FBXL17: variants seen among roughly 807,000 people sequenced by gnomAD.
FBXL17 encodes the protein F-box/LRR-repeat protein 17.
A neutral mutation model predicts 66.2 loss-of-function variants in FBXL17; 22 were observed. The ratio of observed to expected loss-of-function variants is 0.33; its 90% CI spans 0.24 to 0.47. The LOEUF is 0.47. FBXL17 is among the 20% of genes least tolerant of loss of function. The probability of loss-of-function intolerance (pLI) is 1.00; values close to 1 mark genes in which losing one functional copy is unlikely to be tolerated. For synonymous variants in FBXL17, 474 were observed against 400.5 expected, an observed-to-expected ratio of 1.18 and a Z score of -2.19; for missense variants, 878 against 948.2, an observed-to-expected ratio of 0.93 and a Z score of 0.97.
intron 7 of FBXL17, among the ~76,000 whole-genome samples, chr5:108,011,352 T>G (rs1374368784): frequency 6.6e-6 from 1 of 152,202 alleles, no homozygotes; most frequent in Admixed American, 6.5e-5. Flanking sequence ...GCTCTTGGGC[T>G]TTTTCTCCCT....
intron 6 of FBXL17, among the ~76,000 whole-genome samples, chr5:108,162,299 A>G (rs185289926): frequency 8.1e-4 from 123 of 152,048 alleles, no homozygotes; most frequent in Admixed American, 6.3e-3. Flanking sequence ...GGTATTTGAG[A>G]CCAGCCTGAG....
At chr5:107,877,355 C>T (rs1445926558) in intron 8 of FBXL17, among the ~76,000 whole-genome samples, 2 of 152,296 alleles carry the variant, frequency 1.3e-5, no homozygotes, top group East Asian at 1.9e-4. Flanking sequence ...GCAACGAATA[C>T]GTTTAACTTT....
At chr5:108,303,351 C>T (rs987832061) in intron 4 of FBXL17, among the ~76,000 whole-genome samples, 1 of 139,700 alleles carries the variant, frequency 7.2e-6, no homozygotes, top group African/African-American at 2.7e-5. Context: ...CTCCAAAACA[C>T]ACAGGCATAA....
intron 6 of FBXL17, among the ~76,000 whole-genome samples, chr5:108,116,143 C>T (rs909284621): frequency 6.6e-6 from 1 of 152,050 alleles, no homozygotes; most frequent in Non-Finnish European, 1.5e-5. Flanking sequence ...ACAAGAAAAA[C>T]ACTAAAGTTA....
intron 4 of FBXL17, among the ~76,000 whole-genome samples, chr5:108,303,550 A>T (rs1460905080): frequency 6.6e-6 from 1 of 151,946 alleles, no homozygotes; most frequent in East Asian, 1.9e-4. Context: ...ACTACCACAT[A>T]CAACATATGT....
intron 7 of FBXL17, among the ~76,000 whole-genome samples, chr5:107,935,802 TC>T (rs1460216012): frequency 6.6e-6 from 1 of 152,036 alleles, no homozygotes; most frequent in Non-Finnish European, 1.5e-5. Context: ...ATTCCATAGA[TC>T]AGTTGGAACA....
chr5:108,304,859 T>C (rs1758765126), intron 4 of FBXL17, among the ~76,000 whole-genome samples: 1 of 152,032 alleles, frequency 6.6e-6, no homozygotes, highest in South Asian at 2.1e-4. Flanking sequence ...GGAAGACCTC[T>C]TCCTTGTCCT....
chr5:108,191,681 A>C (rs1285473767), intron 5 of FBXL17, among the ~76,000 whole-genome samples: 1 of 152,164 alleles, frequency 6.6e-6, no homozygotes. Flanking sequence ...TGACTCTTGA[A>C]CTTTTAGAAA....
intron 4 of FBXL17, among the ~76,000 whole-genome samples, chr5:108,234,587 G>T (rs954283091): frequency 2.0e-5 from 3 of 152,202 alleles, no homozygotes; most frequent in Non-Finnish European, 4.4e-5. Context: ...GAAGTAGAGT[G>T]GCAGATATCA....
rs141921604 is a variant in FBXL17, at chr5:108,116,176, T to C, written c.1745+69941A>G. The stretch of plus-strand genomic sequence containing the variant: ...TTAAGAAAGCATATAATAAGGAGCA[T>C]AGTAAGGGTTTCTCTGCCTTATATA... On this transcript the variant is annotated intron_variant, in intron 6 of 8. Coordinates refer to ENST00000542267, the MANE Select transcript of FBXL17 (RefSeq NM_001163315.3). Among the ~76,000 whole-genome samples, 472 of 152,114 alleles carry C rather than the reference T, an allele frequency of 3.1e-3. 2 individuals carry two copies. Among genetic ancestry groups the C allele is most frequent in the African/African-American group, 0.011 (454 of 41,486 alleles).
chr5:108,362,541 G>A (rs566869137), intron 3 of FBXL17, among the ~76,000 whole-genome samples: 1 of 152,060 alleles, frequency 6.6e-6, no homozygotes, highest in South Asian at 2.1e-4. Flanking sequence ...ACATTCCACT[G>A]GTAAAATTAT....
chr5:107,972,962 C>G (rs1254312263), intron 7 of FBXL17, among the ~76,000 whole-genome samples: 2 of 152,204 alleles, frequency 1.3e-5, no homozygotes, highest in Non-Finnish European at 2.9e-5. Context: ...CCAACAACCT[C>G]TCACCCCATC....
chr5:108,141,651 C>T (rs1751354945), intron 6 of FBXL17, among the ~76,000 whole-genome samples: 1 of 152,198 alleles, frequency 6.6e-6, no homozygotes, highest in Admixed American at 6.5e-5. Context: ...GAAGGCAATG[C>T]GGAGCCTCTG....
Position 108,054,447 on chromosome 5 carries a change from T to C in FBXL17, c.1746-33446A>G, listed in dbSNP as rs2112830108. On this transcript the variant is annotated intron_variant, in intron 6 of 8. Transcript: ENST00000542267. ...TTATAGAGCCTGACTCCTCACAGAG[T>C]TTCCACTGACAGCTCTGCATGTGGG... 2.0e-5 allele frequency among the ~76,000 whole-genome samples: 3 copies of C among 151,884 alleles called. No individual in the cohort carries two copies. In the South Asian group the frequency reaches 6.2e-4, roughly 32 times the overall value.
At chr5:108,209,713 A>G (rs1754284352) in intron 5 of FBXL17, among the ~76,000 whole-genome samples, 2 of 152,214 alleles carry the variant, frequency 1.3e-5, no homozygotes, top group African/African-American at 4.8e-5. Context: ...TCGGTTTGCC[A>G]GTATTTTATT....
intron 4 of FBXL17, among the ~76,000 whole-genome samples, chr5:108,317,079 C>G (rs141720119): frequency 6.6e-6 from 1 of 151,224 alleles, no homozygotes; most frequent in Non-Finnish European, 1.5e-5. Flanking sequence ...ATACCACTAT[C>G]AAATCCCAAC....
intron 7 of FBXL17, among the ~76,000 whole-genome samples, chr5:108,011,956 T>A (rs10070525): frequency 0.5 from 75,263 of 152,042 alleles, 19,160 homozygotes; most frequent in East Asian, 0.6. Context: ...ATAGTAAAAT[T>A]ATGTATCTCT....
At chr5:108,105,409 T>C (rs892448029) in intron 6 of FBXL17, among the ~76,000 whole-genome samples, 13 of 152,204 alleles carry the variant, frequency 8.5e-5, no homozygotes, top group Admixed American at 7.2e-4. Context: ...GGCAGAAAAG[T>C]CTGGCTGCTG....
At chr5:108,143,948 C>T (rs2149989391) in intron 6 of FBXL17, among the ~76,000 whole-genome samples, 1 of 152,064 alleles carries the variant, frequency 6.6e-6, no homozygotes, top group Middle Eastern at 3.4e-3. Context: ...AAAAACTTAA[C>T]CTAATGGAAA....
Sources: gnomAD v4.1 joint callset for allele counts (sites outside exome capture counted in the v4.1 genomes callset) on GRCh38, gnomAD v4.1.1 for gene constraint, MANE v1.5 for transcripts, NCBI Gene and HGNC (gene_info 2026-07-23, HGNC 2026-07-21) for gene names.